CADM1: variants seen among roughly 807,000 people sequenced by gnomAD.
CADM1 encodes TSLC-1.
In CADM1, 15 loss-of-function variants were observed where a neutral mutation model predicts 53.1. That is an observed-to-expected ratio of 0.28 (90% CI 0.19 to 0.44). The LOEUF is 0.44. CADM1 is among the 20% of genes least tolerant of loss of function. The probability of loss-of-function intolerance (pLI) is 1.00; values close to 1 mark genes in which losing one functional copy is unlikely to be tolerated. For missense variants in CADM1, 434 were observed against 611.3 expected (o/e 0.71, Z 3.06); for synonymous variants, 281 against 243.0 (o/e 1.16, Z -1.45).
intron 1 of CADM1, among the ~76,000 whole-genome samples, chr11:115,500,537 G>C (rs1949706940): frequency 6.6e-6 from 1 of 152,166 alleles, no homozygotes; most frequent in Non-Finnish European, 1.5e-5. Context: ...AAAACTCCAA[G>C]AGCACCATCA....
At chr11:115,478,469 CAA>C (rs1384177124) in intron 1 of CADM1, among the ~76,000 whole-genome samples, 3 of 152,068 alleles carry the variant, frequency 2.0e-5, no homozygotes, top group Non-Finnish European at 4.4e-5. Context: ...TAGACAAAAA[CAA>C]AGAGTAAATA....
intron 1 of CADM1, among the ~76,000 whole-genome samples, chr11:115,423,217 T>A: frequency 6.6e-6 from 1 of 152,126 alleles, no homozygotes; most frequent in East Asian, 1.9e-4. Context: ...TTCCATTAAG[T>A]GACAAAATCA....
At chr11:115,348,012 G>C (rs574937390) in intron 1 of CADM1, among the ~76,000 whole-genome samples, 1 of 152,276 alleles carries the variant, frequency 6.6e-6, no homozygotes, top group East Asian at 1.9e-4. Flanking sequence ...ATATTTTGAG[G>C]GAGTGCAGGA....
intron 1 of CADM1, among the ~76,000 whole-genome samples, chr11:115,320,142 C>T (rs1944783181): frequency 6.6e-6 from 1 of 152,166 alleles, no homozygotes; most frequent in Non-Finnish European, 1.5e-5. Context: ...TAGCTCACTG[C>T]AGCCTAAAAT....
chr11:115,452,144 G>A (rs537636861), intron 1 of CADM1, among the ~76,000 whole-genome samples: 8 of 47,820 alleles, frequency 1.7e-4, no homozygotes, highest in African/African-American at 6.7e-4. Flanking sequence ...CGGGGCCAGC[G>A]GGGTGGGGTG....
intron 1 of CADM1, among the ~76,000 whole-genome samples, chr11:115,421,346 A>C (rs1947751089): frequency 6.6e-6 from 1 of 152,224 alleles, no homozygotes; most frequent in South Asian, 2.1e-4. Context: ...GCTTACAACT[A>C]CTTGACAAGT....
intron 1 of CADM1, among the ~76,000 whole-genome samples, chr11:115,486,282 C>A (rs1488983399): frequency 6.6e-6 from 1 of 152,178 alleles, no homozygotes; most frequent in Non-Finnish European, 1.5e-5. Context: ...TCCTAAAAAA[C>A]CAACCTGATG....
chr11:115,445,536 G>A (rs745979700), intron 1 of CADM1, among the ~76,000 whole-genome samples: 16 of 151,896 alleles, frequency 1.1e-4, no homozygotes, highest in East Asian at 7.7e-4. Flanking sequence ...CGTGTAGCCC[G>A]AAAGTTACTA....
chr11:115,361,027 C>A (rs569811924), intron 1 of CADM1, among the ~76,000 whole-genome samples: 1 of 152,120 alleles, frequency 6.6e-6, no homozygotes, highest in Non-Finnish European at 1.5e-5. Flanking sequence ...TGATTAAGAA[C>A]CCCCAAAACA....
intron 1 of CADM1, among the ~76,000 whole-genome samples, chr11:115,346,774 A>G (rs1945590486): frequency 6.6e-6 from 1 of 152,184 alleles, no homozygotes. Context: ...GGCTTGCCCC[A>G]CAATTCAGTT....
intron 1 of CADM1, among the ~76,000 whole-genome samples, chr11:115,318,563 C>T (rs1386877267): frequency 6.6e-6 from 1 of 152,130 alleles, no homozygotes; most frequent in Non-Finnish European, 1.5e-5. Flanking sequence ...GCTTTTAATA[C>T]TTCAATCAGA....
intron 1 of CADM1, among the ~76,000 whole-genome samples, chr11:115,486,413 CA>C (rs1949373977): frequency 6.6e-6 from 1 of 152,042 alleles, no homozygotes; most frequent in South Asian, 2.1e-4. Flanking sequence ...TGCAGTGGTG[CA>C]ATCACAGCTC....
intron 1 of CADM1, among the ~76,000 whole-genome samples, chr11:115,340,652 A>ATTTTTTT (rs1310417030): frequency 1.2e-4 from 5 of 40,848 alleles, no homozygotes; most frequent in African/African-American, 4.8e-4. Flanking sequence ...ATATATATAT[A>ATTTTTTT]TATATATTTT....
chr11:115,326,188 A>C (rs1944954405), intron 1 of CADM1, among the ~76,000 whole-genome samples: 1 of 152,226 alleles, frequency 6.6e-6, no homozygotes, highest in Non-Finnish European at 1.5e-5. Context: ...ATATAAAAGC[A>C]GCTAGATTAT....
At chr11:115,404,761 G>A (rs1039138625) in intron 1 of CADM1, among the ~76,000 whole-genome samples, 2 of 149,278 alleles carry the variant, frequency 1.3e-5, no homozygotes, top group African/African-American at 4.9e-5. Context: ...GGGAGGCTGA[G>A]TTGCGGGGAT....
intron 1 of CADM1, among the ~76,000 whole-genome samples, chr11:115,436,685 T>G (rs1418121008): frequency 6.6e-6 from 1 of 152,234 alleles, no homozygotes; most frequent in Non-Finnish European, 1.5e-5. Flanking sequence ...GGCAGACACA[T>G]GCAAATTCAT....
chr11:115,440,474 G>T (rs1321334154), intron 1 of CADM1, among the ~76,000 whole-genome samples: 1 of 152,184 alleles, frequency 6.6e-6, no homozygotes, highest in Admixed American at 6.5e-5. Context: ...TTCAAAGAAA[G>T]AAATTATAAC....
At chr11:115,311,565 T>G (rs1360912285) in intron 1 of CADM1, among the ~76,000 whole-genome samples, 1 of 152,032 alleles carries the variant, frequency 6.6e-6, no homozygotes, top group Non-Finnish European at 1.5e-5. Flanking sequence ...AATCCAGGTA[T>G]AAATGGACCC....
At chr11:115,247,588 A>AGGG (rs1211865712) in intron 1 of CADM1, among the ~76,000 whole-genome samples, 1 of 152,224 alleles carries the variant, frequency 6.6e-6, no homozygotes, top group African/African-American at 2.4e-5. Context: ...CAAAATGCAC[A>AGGG]TGAAGGGAGA....
Sources: gnomAD v4.1 joint callset for allele counts (sites outside exome capture counted in the v4.1 genomes callset) on GRCh38, gnomAD v4.1.1 for gene constraint, MANE v1.5 for transcripts, NCBI Gene and HGNC (gene_info 2026-07-23, HGNC 2026-07-21) for gene names.